The following SGCD variants were observed in gnomAD, a reference collection of about 807,000 sequenced individuals.
The protein encoded by SGCD is delta-sarcoglycan.
In SGCD, 18 loss-of-function variants were observed where a neutral mutation model predicts 36.6. That is an observed-to-expected ratio of 0.49 (90% CI 0.34 to 0.73). The LOEUF is 0.73. Among genes scored for constraint, SGCD ranks in the 30% least tolerant of loss-of-function variants. The probability of loss-of-function intolerance (pLI) is 0.01; values close to 1 mark genes in which losing one functional copy is unlikely to be tolerated. For missense variants in SGCD, 387 were observed against 346.7 expected, an observed-to-expected ratio of 1.12 and a Z score of -0.92; for synonymous variants, 133 against 130.6, an observed-to-expected ratio of 1.02 and a Z score of -0.12.
chr5:156,397,151 G>T (rs62380732), intron 3 of SGCD, among the ~76,000 whole-genome samples: 20,679 of 152,166 alleles, frequency 0.14, 1,520 homozygotes, highest in South Asian at 0.25. Context: ...TCTGGACTTT[G>T]TGTAAGATCT....
intron 3 of SGCD, among the ~76,000 whole-genome samples, chr5:156,137,706 G>A (rs777869062): frequency 3.3e-5 from 5 of 151,872 alleles, no homozygotes; most frequent in Non-Finnish European, 4.4e-5. Context: ...CTTTTCCAGG[G>A]TCATTTTGAC....
intron 1 of SGCD, among the ~76,000 whole-genome samples, chr5:155,977,337 A>G (rs537263397): frequency 1.3e-5 from 2 of 152,322 alleles, no homozygotes; most frequent in South Asian, 4.1e-4. Context: ...AAAAGGAGTG[A>G]ATGAGTTGCT....
chr5:156,219,258 T>A (rs1764657730), intron 3 of SGCD, among the ~76,000 whole-genome samples: 1 of 152,202 alleles, frequency 6.6e-6, no homozygotes, highest in Admixed American at 6.5e-5. Context: ...ATATTAAGTA[T>A]CATATAAGGA....
intron 3 of SGCD, among the ~76,000 whole-genome samples, chr5:156,496,936 T>C (rs2127856907): frequency 6.6e-6 from 1 of 152,278 alleles, no homozygotes; most frequent in East Asian, 1.9e-4. Flanking sequence ...TCTGTTACTG[T>C]AGTATATCCC....
At chr5:156,647,811 A>C (rs773735436) in intron 7 of SGCD, among the ~76,000 whole-genome samples, 2 of 152,178 alleles carry the variant, frequency 1.3e-5, no homozygotes, top group Non-Finnish European at 2.9e-5. Context: ...TGTGGTACCC[A>C]AAACCTATCC....
intron 3 of SGCD, among the ~76,000 whole-genome samples, chr5:156,316,606 C>G (rs1407464906): frequency 1.3e-5 from 2 of 151,954 alleles, no homozygotes. Flanking sequence ...AACACAGACA[C>G]ATAAGCCACA....
intron 3 of SGCD, among the ~76,000 whole-genome samples, chr5:156,216,050 A>G (rs568141832): frequency 6.6e-6 from 1 of 152,328 alleles, no homozygotes; most frequent in South Asian, 2.1e-4. Flanking sequence ...AACCTGGAGG[A>G]CATTATGTAA....
At chr5:156,376,815 G>A (rs1770695799) in intron 3 of SGCD, among the ~76,000 whole-genome samples, 1 of 152,060 alleles carries the variant, frequency 6.6e-6, no homozygotes, top group African/African-American at 2.4e-5. Flanking sequence ...GGCCCAAGGT[G>A]CTCTCTATTA....
At chr5:156,344,849 C>T (rs897510624) in intron 3 of SGCD, among the ~76,000 whole-genome samples, 172 bp downstream of exon 3, 1 of 152,166 alleles carries the variant, frequency 6.6e-6, no homozygotes, top group Non-Finnish European at 1.5e-5. Context: ...ATATTGACTT[C>T]TATCTAATCT....
intron 3 of SGCD, among the ~76,000 whole-genome samples, chr5:156,403,736 G>T (rs1165747647): frequency 6.6e-6 from 1 of 152,104 alleles, no homozygotes; most frequent in East Asian, 1.9e-4. Flanking sequence ...ACCAGCCTTT[G>T]CAGTTAAACA....
At chr5:156,740,449 T>C (rs573395755) in intron 7 of SGCD, among the ~76,000 whole-genome samples, 2 of 152,274 alleles carry the variant, frequency 1.3e-5, no homozygotes, top group Admixed American at 6.5e-5. Context: ...TATGTCACCT[T>C]CTTAGAGACA....
At chr5:156,367,364 T>C (rs1770158040) in intron 3 of SGCD, among the ~76,000 whole-genome samples, 1 of 151,302 alleles carries the variant, frequency 6.6e-6, no homozygotes, top group Non-Finnish European at 1.5e-5. Context: ...AAAATGTGGA[T>C]TGAATTTTTT....
intron 4 of SGCD, among the ~76,000 whole-genome samples, chr5:156,509,251 C>G (rs1756834126): frequency 6.6e-6 from 1 of 151,948 alleles, no homozygotes; most frequent in Non-Finnish European, 1.5e-5. Flanking sequence ...ATAGTGAAAC[C>G]CTGTCTCTAC....
At position 156,038,610 on chromosome 5, in the gene SGCD, A is replaced by G. The variant is rs181355011; in HGVS notation, c.-281-79268A>G. The stretch of plus-strand genomic sequence containing the variant: ...AAAAGTAAAAAAAAAAATGGCTCCC[A>G]CACACACACACACAAAATGACCAAA... On this transcript the variant is annotated intron_variant, in intron 1 of 9. Transcript: ENST00000517913. Among the ~76,000 whole-genome samples, 1,118 of 148,190 alleles carry G rather than the reference A, an allele frequency of 7.5e-3. 7 individuals are homozygous for G. The highest frequency in any genetic ancestry group is 0.011 in the Non-Finnish European group (759 of 67,740).
chr5:156,223,972 A>C (rs753201898), intron 3 of SGCD, among the ~76,000 whole-genome samples: 7 of 151,840 alleles, frequency 4.6e-5, no homozygotes, highest in Non-Finnish European at 7.4e-5. Context: ...TATGATCTAT[A>C]TCTTCTTTGA....
At chr5:156,428,063 G>T (rs1333326814) in intron 3 of SGCD, among the ~76,000 whole-genome samples, 1 of 152,106 alleles carries the variant, frequency 6.6e-6, no homozygotes, top group African/African-American at 2.4e-5. Context: ...ATGATTTAGG[G>T]AGGGTCCCCT....
chr5:156,540,790 T>C (rs1157274295), intron 4 of SGCD, among the ~76,000 whole-genome samples: 1 of 152,176 alleles, frequency 6.6e-6, no homozygotes, highest in Non-Finnish European at 1.5e-5. Flanking sequence ...GTCGTCCTGA[T>C]TGATTTTGAT....
At chr5:156,109,927 C>A (rs1046130961) in intron 1 of SGCD, among the ~76,000 whole-genome samples, 1 of 152,056 alleles carries the variant, frequency 6.6e-6, no homozygotes, top group Non-Finnish European at 1.5e-5. Context: ...ATCAGGAGAC[C>A]CTGAATCATT....
intron 1 of SGCD, among the ~76,000 whole-genome samples, chr5:156,079,161 G>A (rs182868308): frequency 4.3e-4 from 65 of 152,228 alleles, no homozygotes; most frequent in African/African-American, 1.4e-3. Flanking sequence ...GAAAGAAAGA[G>A]TGAAGGCAAG....
Sources: allele counts gnomAD v4.1 joint callset (sites outside exome capture counted in the v4.1 genomes callset), GRCh38; gene constraint gnomAD v4.1.1; transcripts MANE v1.5; gene names NCBI Gene and HGNC (gene_info 2026-07-23, HGNC 2026-07-21).